The following TGS1 variants were observed in gnomAD, a reference collection of about 807,000 sequenced individuals.
TGS1 encodes the protein trimethylguanosine synthase.
In TGS1, 69 loss-of-function variants were observed where a neutral mutation model predicts 92.2. The ratio of observed to expected loss-of-function variants is 0.75; its 90% confidence interval spans 0.62 to 0.91. The LOEUF (loss-of-function observed/expected upper bound fraction) is 0.91, where lower values mean the gene tolerates loss of function less well. Ranked by LOEUF, TGS1 falls within the 40% of genes least tolerant of loss-of-function variation. The pLI is 0.00. For missense variants in TGS1, 1,062 were observed against 1,001.2 expected, an observed-to-expected ratio of 1.06 and a Z score of -0.82; for synonymous variants, 345 against 338.1, an observed-to-expected ratio of 1.02 and a Z score of -0.22.
At chr8:55,821,878 A>T (rs1000219769) in intron 12 of TGS1, among the ~76,000 whole-genome samples, 4 of 151,734 alleles carry the variant, frequency 2.6e-5, no homozygotes, top group African/African-American at 9.7e-5. Context: ...CCATCTCAAA[A>T]AATAATAATA....
chr8:55,776,632 C>T (rs976366680), intron 1 of TGS1, among the ~76,000 whole-genome samples: 3 of 152,186 alleles, frequency 2.0e-5, no homozygotes, highest in Admixed American at 2.0e-4. Context: ...TCAGTAACTA[C>T]CAGGCCCAGG....
At chr8:55,809,543 C>T (rs1321566167) in intron 10 of TGS1, among the ~76,000 whole-genome samples, 2 of 151,804 alleles carry the variant, frequency 1.3e-5, no homozygotes, top group African/African-American at 4.8e-5. Context: ...TCACTGCAAT[C>T]TCCTCCTCCC....
At chr8:55,800,179 G>T (rs1812182487) in intron 8 of TGS1, among the ~76,000 whole-genome samples, 1 of 151,870 alleles carries the variant, frequency 6.6e-6, no homozygotes, top group Non-Finnish European at 1.5e-5. Flanking sequence ...GTGGGTGTAT[G>T]TGTATGTGTG....
intron 8 of TGS1, among the ~76,000 whole-genome samples, chr8:55,800,324 T>C (rs1203647485): frequency 6.6e-6 from 1 of 152,244 alleles, no homozygotes; most frequent in African/African-American, 2.4e-5. Flanking sequence ...ATGTGTCTTA[T>C]TCTCATTTAA....
In TGS1 at chr8:55,787,037, C is replaced by A; in HGVS notation, c.1139C>A (p.Thr380Lys). ...GAGGAAAGCAACTCATCGGGGAATA[C>A]AAACACAGACCCACCAGCTGAGGGT... ...TNEESNSSGN[T>K]NTDPPAEDSQ... The change falls in exon 4 of 13, where the codon ACA becomes AAA. Residue 380 changes from threonine (T) to lysine (K), a missense_variant. By Grantham distance (78) the Thr-to-Lys change is moderately conservative. Transcript: ENST00000260129. The A allele has an allele frequency of 1.2e-6, 2 of 1,612,212 alleles. No individual in the cohort carries two copies. The highest frequency in any genetic ancestry group is 1.7e-5 in the Admixed American group (1 of 59,730).
At position 55,786,761 on chromosome 8, in the gene TGS1, T is replaced by C; in HGVS notation, c.863T>C (p.Met288Thr). 3.7e-6 allele frequency: 6 copies of C among 1,614,176 alleles called. No individual in the cohort carries two copies. The highest frequency in any genetic ancestry group is 5.1e-6 in the Non-Finnish European group (6 of 1,180,028). ...GATGACAAGAACGATGAAAAATGCA[T>C]GAAAGTTGACTTAGTATCTTTTCCA... ...EADDKNDEKC[M>T]KVDLVSFPSS... The change falls in exon 4 of 13, where the codon ATG becomes ACG. Residue 288 changes from methionine (M) to threonine (T), a missense_variant. By Grantham distance (81) the Met-to-Thr change is moderately conservative. Transcript: ENST00000260129.
intron 9 of TGS1, among the ~76,000 whole-genome samples, chr8:55,804,238 C>G (rs1812299431): frequency 6.6e-6 from 1 of 152,126 alleles, no homozygotes; most frequent in South Asian, 2.1e-4. Flanking sequence ...GCCAGGAGTT[C>G]AAGACCAGCC....
chr8:55,811,180 T>TG, intron 11 of TGS1, 83 bp downstream of exon 11: 7 of 131,420 alleles, frequency 5.3e-5, no homozygotes, highest in East Asian at 2.9e-4. Flanking sequence ...GGAGTGTGGG[T>TG]GGGTGGGCAG....
At chr8:55,793,019 A>G (rs1811928042) in intron 6 of TGS1, among the ~76,000 whole-genome samples, 1 of 152,238 alleles carries the variant, frequency 6.6e-6, no homozygotes, top group Non-Finnish European at 1.5e-5. Context: ...AGATAAAGCA[A>G]CTGCAGCTCA....
chr8:55,824,507 A>G (rs1803739196), intron 12 of TGS1, 74 bp from the exon 13 acceptor site: 13 of 1,568,074 alleles, frequency 8.3e-6, no homozygotes, highest in South Asian at 4.7e-5. Flanking sequence ...ATTATTTGAT[A>G]AAGCAGTACA....
In TGS1 at chr8:55,820,312, C is replaced by G. The variant is rs369578194; in HGVS notation, c.2440-4269C>G. 2.0e-4 allele frequency among the ~76,000 whole-genome samples: 30 copies of G among 152,200 alleles called. No homozygotes were observed. In the South Asian group the frequency reaches 6.2e-3, roughly 32 times the overall value. On this transcript the variant is annotated intron_variant, in intron 12 of 12. Coordinates refer to ENST00000260129, the MANE Select transcript of TGS1 (RefSeq NM_024831.8). ...CTGTAATCCCAACACTTTGAGAGGC[C>G]GAGGCGGGCGGATCACCTGAGGTCA...
At chr8:55,815,228 T>C (rs1803443882) in intron 12 of TGS1, among the ~76,000 whole-genome samples, 1 of 152,228 alleles carries the variant, frequency 6.6e-6, no homozygotes, top group African/African-American at 2.4e-5. Flanking sequence ...CTTTCCAGAA[T>C]TGGAGTTGGT....
chr8:55,802,746 C>T, intron 9 of TGS1, 140 bp downstream of exon 9: 1 of 721,410 alleles, frequency 1.4e-6, no homozygotes, highest in Non-Finnish European at 2.2e-6. Context: ...CGTTTACGTT[C>T]TCATTCTCTC....
chr8:55,821,403 T>C (rs1803630022), intron 12 of TGS1, among the ~76,000 whole-genome samples: 1 of 152,184 alleles, frequency 6.6e-6, no homozygotes, highest in Non-Finnish European at 1.5e-5. Context: ...TGAACTGTTT[T>C]GCACAGACTT....
chr8:55,774,275 G>A (rs925240490), intron 1 of TGS1, among the ~76,000 whole-genome samples: 6 of 152,100 alleles, frequency 3.9e-5, no homozygotes, highest in Non-Finnish European at 8.8e-5. Flanking sequence ...GAATAATACC[G>A]CCAAGAGACT....
intron 7 of TGS1, among the ~76,000 whole-genome samples, chr8:55,796,404 C>T (rs561518188): frequency 6.6e-6 from 1 of 152,160 alleles, no homozygotes; most frequent in Non-Finnish European, 1.5e-5. Flanking sequence ...TTAAAAAACG[C>T]AGCCGTCAGG....
intron 4 of TGS1, among the ~76,000 whole-genome samples, chr8:55,788,925 T>G (rs1677032239): frequency 6.6e-6 from 1 of 152,212 alleles, no homozygotes; most frequent in African/African-American, 2.4e-5. Flanking sequence ...CTCCCTCATC[T>G]GCCTGCTTTT....
In TGS1 at chr8:55,813,245, A is replaced by C. The variant is rs139542313; in HGVS notation, c.2439+127A>C. ...AGTCCCTGACTCACTGACTATTCTTAGAAAGCTGGAAGTATCTGGAAGTTA... is the reference window on the plus strand; with the variant it reads ...AGTCCCTGACTCACTGACTATTCTTCGAAAGCTGGAAGTATCTGGAAGTTA... On this transcript the variant is annotated intron_variant, in intron 12 of 12. Transcript: ENST00000260129. The C allele has an allele frequency of 8.2e-4, 537 of 654,382 alleles. 4 individuals are homozygous for C. The highest frequency in any genetic ancestry group is 7.2e-3 in the South Asian group (329 of 45,510). The allele number at this position is 654,382 out of a possible 1,614,324, so 40.5% of individuals were successfully genotyped here.
chr8:55,793,898 G>A (rs1474574179), intron 6 of TGS1, among the ~76,000 whole-genome samples: 1 of 151,700 alleles, frequency 6.6e-6, no homozygotes, highest in Non-Finnish European at 1.5e-5. Context: ...GATTACAGGC[G>A]TGAGCCACCG....
Sources: gnomAD v4.1 joint callset for allele counts (sites outside exome capture counted in the v4.1 genomes callset) on GRCh38, gnomAD v4.1.1 for gene constraint, MANE v1.5 for transcripts, NCBI Gene and HGNC (gene_info 2026-07-23, HGNC 2026-07-21) for gene names.